Variants in PDE4B observed in about 807,000 individuals in gnomAD.
The protein encoded by PDE4B is 3',5'-cyclic-AMP phosphodiesterase 4B.
Under a neutral mutation model 82.2 loss-of-function variants are expected in PDE4B, and 20 were observed. That is an observed-to-expected ratio of 0.24 (90% CI 0.17 to 0.35). PDE4B has a LOEUF of 0.35. Among genes scored for constraint, PDE4B ranks in the 10% least tolerant of loss-of-function variants. The pLI is 1.00. For synonymous variants in PDE4B, 320 were observed against 318.9 expected (o/e 1.00, Z -0.04); for missense variants, 655 against 907.2 (o/e 0.72, Z 3.57).
chr1:66,247,627 C>T lies in PDE4B; in HGVS notation c.449C>T (p.Ser150Leu), dbSNP rs370994595. 1.3e-5 allele frequency: 21 copies of T among 1,593,770 alleles called. No homozygotes were observed. The highest frequency in any genetic ancestry group is 2.3e-5 in the East Asian group (1 of 44,114). The change falls in exon 4 of 17, where the codon TCG becomes TTG. Residue 150 changes from serine (S) to leucine (L), a missense_variant. By Grantham distance (145) the Ser-to-Leu change is moderately radical. Transcript: ENST00000341517. ...SDYDLSPKAM[S>L]RNSSLPSEQH... ...TATGACTTGTCACCAAAGGCGATGT[C>T]GAGAAACTCTTCTCTTCCAAGCGAG...
At chr1:65,838,539 GTGTATATA>G (rs1646169398) in intron 1 of PDE4B, among the ~76,000 whole-genome samples, 2 of 139,150 alleles carry the variant, frequency 1.4e-5, no homozygotes, top group South Asian at 2.1e-4. Context: ...ATATATGTAT[GTGTATATA>G]TGTATATATA....
chr1:66,223,885 G>A (rs1315208766), intron 3 of PDE4B, among the ~76,000 whole-genome samples: 1 of 152,134 alleles, frequency 6.6e-6, no homozygotes, highest in Non-Finnish European at 1.5e-5. Flanking sequence ...GAATATTGCA[G>A]CATCTGACTC....
In PDE4B at chr1:66,303,353, G is replaced by GTA. The variant is rs55857576; in HGVS notation, c.635-29138_635-29137dup. Among the ~76,000 whole-genome samples, 524 of 148,406 alleles carry GTA rather than the reference G, an allele frequency of 3.5e-3. 2 individuals are homozygous for GTA. Among genetic ancestry groups the GTA allele is most frequent in the South Asian group, 0.011 (50 of 4,692 alleles). On this transcript the variant is annotated intron_variant, in intron 7 of 16. Coordinates refer to ENST00000341517, the MANE Select transcript of PDE4B (RefSeq NM_002600.4). ...TGTTTATATATATATGTGTGTGTGTGTATATATATATATATATACACACAC... is the reference window on the plus strand; with the variant it reads ...TGTTTATATATATATGTGTGTGTGTGTATATATATATATATATATACACACAC...
At chr1:65,914,470 C>CTTT (rs34161281) in intron 2 of PDE4B, among the ~76,000 whole-genome samples, 2 of 145,102 alleles carry the variant, frequency 1.4e-5, no homozygotes, top group African/African-American at 2.5e-5. Flanking sequence ...TCTTCTTCTT[C>CTTT]TTTTTTTTTT....
At chr1:66,145,697 T>C (rs1298344768) in intron 3 of PDE4B, among the ~76,000 whole-genome samples, 1 of 152,174 alleles carries the variant, frequency 6.6e-6, no homozygotes, top group African/African-American at 2.4e-5. Flanking sequence ...TGGGAAGTGA[T>C]TTCCGCAAAA....
At chr1:66,046,188 A>G in intron 3 of PDE4B, 1 of 151,818 alleles carries the variant, frequency 6.6e-6, no homozygotes, top group East Asian at 1.9e-4. Flanking sequence ...AGAAATATTT[A>G]TTAAATGTAC....
intron 1 of PDE4B, among the ~76,000 whole-genome samples, chr1:65,893,430 G>A (rs1646874016): frequency 1.3e-5 from 2 of 151,784 alleles, no homozygotes; most frequent in Admixed American, 6.6e-5. Flanking sequence ...AATGAGATAC[G>A]TTACTCCTGC....
rs189575830 is a variant in PDE4B, at chr1:66,269,478, C to T, written c.634+3391C>T. ...TTCACAAGCATAAATTCCAGGCTCT[C>T]CCTACATGGTGCTCAAGGATTGAAA... On this transcript the variant is annotated intron_variant, in intron 7 of 16. Transcript: ENST00000341517. Among the ~76,000 whole-genome samples, 426 of 152,100 alleles carry T rather than the reference C, an allele frequency of 2.8e-3. 1 individual carries two copies. The highest frequency in any genetic ancestry group is 4.8e-3 in the Non-Finnish European group (328 of 67,976).
intron 3 of PDE4B, among the ~76,000 whole-genome samples, chr1:65,920,746 T>C (rs1283367260): frequency 6.6e-6 from 1 of 152,170 alleles, no homozygotes; most frequent in African/African-American, 2.4e-5. Context: ...ATGTCTCTAG[T>C]ATCAGTAGCC....
intron 3 of PDE4B, among the ~76,000 whole-genome samples, chr1:66,193,455 T>G (rs1473488016): frequency 2.6e-5 from 4 of 152,116 alleles, no homozygotes; most frequent in Non-Finnish European, 5.9e-5. Context: ...TTCACTTACT[T>G]CGGAGAAGTC....
At chr1:66,229,549 T>C (rs1239200578) in intron 3 of PDE4B, among the ~76,000 whole-genome samples, 1 of 152,222 alleles carries the variant, frequency 6.6e-6, no homozygotes, top group African/African-American at 2.4e-5. Context: ...TTCATAGACA[T>C]GGGGGTTCAT....
rs187408566 is a variant in PDE4B, at chr1:66,062,793, A to G, written c.281+143958A>G. 9.2e-5 allele frequency: 14 copies of G among 152,200 alleles called. No individual in the cohort carries two copies. The East Asian group carries it at 1.5e-3, about 17-fold the overall frequency. The allele number at this position is 152,200 out of a possible 1,614,324, so 9.4% of individuals were successfully genotyped here. A position where few individuals can be genotyped will look rare whatever the true frequency, so the allele number is the denominator to read the frequency against. Reference sequence around the variant, plus strand: ...CTAAAAAGAAACTTTCAGTATCTGTATTGCATTAAGTATTGCAAATCCAAA... The same window carrying G: ...CTAAAAAGAAACTTTCAGTATCTGTGTTGCATTAAGTATTGCAAATCCAAA... On this transcript the variant is annotated intron_variant, in intron 3 of 16. Transcript: ENST00000341517.
At chr1:66,238,022 C>A (rs1652597587) in intron 3 of PDE4B, among the ~76,000 whole-genome samples, 1 of 152,032 alleles carries the variant, frequency 6.6e-6, no homozygotes, top group African/African-American at 2.4e-5. Context: ...AGGGAACTTA[C>A]TTAAATAATG....
At chr1:65,878,982 G>A (rs751573612) in intron 1 of PDE4B, among the ~76,000 whole-genome samples, 1 of 152,118 alleles carries the variant, frequency 6.6e-6, no homozygotes, top group African/African-American at 2.4e-5. Context: ...GATGTGCCAG[G>A]TATTATCTAA....
intron 3 of PDE4B, among the ~76,000 whole-genome samples, chr1:66,148,664 A>G (rs1479046402): frequency 6.6e-6 from 1 of 152,158 alleles, no homozygotes; most frequent in Non-Finnish European, 1.5e-5. Context: ...TTCACTCTCT[A>G]CTACCACCAT....
At chr1:66,153,574 T>C (rs1245881354) in intron 3 of PDE4B, among the ~76,000 whole-genome samples, 5 of 152,200 alleles carry the variant, frequency 3.3e-5, no homozygotes, top group Admixed American at 1.3e-4. Flanking sequence ...CTTTATTCTT[T>C]TTCTGTGCCC....
intron 3 of PDE4B, among the ~76,000 whole-genome samples, chr1:66,113,862 A>C (rs1245948593): frequency 6.6e-6 from 1 of 152,210 alleles, no homozygotes; most frequent in Non-Finnish European, 1.5e-5. Context: ...AATAGCAAAC[A>C]TTTATTAAGT....
intron 1 of PDE4B, among the ~76,000 whole-genome samples, chr1:65,899,992 T>C (rs1344712829): frequency 2.2e-4 from 34 of 151,982 alleles, no homozygotes; most frequent in East Asian, 1.9e-4. Flanking sequence ...AACTTACCCA[T>C]GTAACCAAAC....
At chr1:66,059,925 A>G (rs1655497702) in intron 3 of PDE4B, among the ~76,000 whole-genome samples, 1 of 152,250 alleles carries the variant, frequency 6.6e-6, no homozygotes. Context: ...ATTTCTGGCC[A>G]AAATGGCAGT....
Sources: gnomAD v4.1 joint callset for allele counts (sites outside exome capture counted in the v4.1 genomes callset) on GRCh38, gnomAD v4.1.1 for gene constraint, MANE v1.5 for transcripts, NCBI Gene and HGNC (gene_info 2026-07-23, HGNC 2026-07-21) for gene names.